Variants in DDR2 observed in about 807,000 individuals in gnomAD.
DDR2 encodes discoidin domain receptor tyrosine kinase 2, also known as discoidin domain-containing receptor 2.
In DDR2, 27 loss-of-function variants were observed where a neutral mutation model predicts 94.9. The ratio of observed to expected loss-of-function variants is 0.28; its 90% CI spans 0.21 to 0.39. The LOEUF (loss-of-function observed/expected upper bound fraction) is 0.39. Among genes scored for constraint, DDR2 ranks in the 10% least tolerant of loss-of-function variants. DDR2 has a pLI of 1.00. For synonymous variants in DDR2, 382 were observed against 377.2 expected, an observed-to-expected ratio of 1.01 and a Z score of -0.15; for missense variants, 783 against 1,076.0, an observed-to-expected ratio of 0.73 and a Z score of 3.81.
chr1:162,670,836 G>C (rs1332034998), intron 2 of DDR2, among the ~76,000 whole-genome samples: 1 of 152,154 alleles, frequency 6.6e-6, no homozygotes, highest in Non-Finnish European at 1.5e-5. Context: ...AGAAGAAAGT[G>C]GTTATGTTAG....
At position 162,753,372 on chromosome 1, in the gene DDR2, T is replaced by C. The variant is rs881127; in HGVS notation, c.185+175T>C. On this transcript the variant is annotated intron_variant, in intron 4 of 17. Coordinates refer to ENST00000367921, the MANE Select transcript of DDR2 (RefSeq NM_006182.4). ...TCTGTATGTTTTCAGGGAGAGAATT[T>C]AGGACTTAGCCACATGTACTGGTCT... 0.15 allele frequency among the ~76,000 whole-genome samples: 22,426 copies of C among 152,126 alleles called. 2,265 individuals are homozygous for C. The highest frequency in any genetic ancestry group is 0.25 in the African/African-American group (10,443 of 41,478).
intron 3 of DDR2, among the ~76,000 whole-genome samples, chr1:162,721,524 G>A (rs775047549): frequency 3.3e-5 from 5 of 152,224 alleles, no homozygotes; most frequent in Non-Finnish European, 7.3e-5. Context: ...CAGTGATAAA[G>A]AGTCTATCAT....
chr1:162,670,377 A>G lies in DDR2; in HGVS notation c.-28+15003A>G, dbSNP rs997527083. ...TGCCTTGGCCTCCCAAGGTACTGGG[A>G]TTACAGGCGTGAGCCATTGTGCCTG... On this transcript the variant is annotated intron_variant, in intron 2 of 17. Coordinates refer to ENST00000367921, the MANE Select transcript of DDR2 (RefSeq NM_006182.4). Among the ~76,000 whole-genome samples, 3 of 152,196 alleles carry G rather than the reference A, an allele frequency of 2.0e-5. 1 individual carries two copies. In the South Asian group the frequency reaches 6.2e-4, roughly 32 times the overall value.
rs1407056218 is a variant in DDR2, at chr1:162,692,521, T to A, written c.-27-26516T>A. 2.0e-5 allele frequency among the ~76,000 whole-genome samples: 3 copies of A among 152,140 alleles called. No individual in the cohort carries two copies. The East Asian group carries it at 5.8e-4, about 29-fold the overall frequency. On this transcript the variant is annotated intron_variant, in intron 2 of 17. Transcript: ENST00000367921. ...GACCAGAACAGGAACTTCACAAGAATGGATATCCAAATGACATGAAAAGAA... is the reference window on the plus strand; with the variant it reads ...GACCAGAACAGGAACTTCACAAGAAAGGATATCCAAATGACATGAAAAGAA...
At chr1:162,745,237 C>G (rs1662792887) in intron 3 of DDR2, among the ~76,000 whole-genome samples, 2 of 152,132 alleles carry the variant, frequency 1.3e-5, no homozygotes, top group Admixed American at 6.5e-5. Flanking sequence ...GGATATTAAC[C>G]TTCAAATATA....
chr1:162,714,952 G>A (rs1306548007), intron 2 of DDR2, among the ~76,000 whole-genome samples: 1 of 152,198 alleles, frequency 6.6e-6, no homozygotes, highest in African/African-American at 2.4e-5. Context: ...AAATAAGTGG[G>A]TAGAGAAGGG....
intron 3 of DDR2, among the ~76,000 whole-genome samples, chr1:162,728,891 T>A (rs1019246484): frequency 6.6e-6 from 1 of 152,040 alleles, no homozygotes; most frequent in South Asian, 2.1e-4. Flanking sequence ...TGACTTTAGG[T>A]AAATCTCTGC....
rs1181764143 is a variant in DDR2 at position 162,741,190 on chromosome 1, A to AAT, written c.83-11904_83-11903insTA. Among the ~76,000 whole-genome samples, 312 of 130,936 alleles carry AAT rather than the reference A, an allele frequency of 2.4e-3. 3 individuals carry two copies. The highest frequency in any genetic ancestry group is 8.3e-3 in the African/African-American group (298 of 35,968). 85.9% of individuals were successfully genotyped at this position (130,936 alleles called of 152,430 possible). On this transcript the variant is annotated intron_variant, in intron 3 of 17. Transcript: ENST00000367921. ...AATATAATATAATATAATATAACAT[A>AAT]ACATAATACAATACAATACAATATA...
chr1:162,650,038 C>T (rs10799854), intron 1 of DDR2, among the ~76,000 whole-genome samples: 132,723 of 152,182 alleles, frequency 0.87, 58,490 homozygotes, highest in Non-Finnish European at 0.93. Flanking sequence ...TCACCCACCC[C>T]ATGCAGATGA....
intron 2 of DDR2, among the ~76,000 whole-genome samples, chr1:162,702,034 G>T (rs918458449): frequency 6.6e-6 from 1 of 152,102 alleles, no homozygotes; most frequent in Non-Finnish European, 1.5e-5. Context: ...TTGCATCCTG[G>T]AGATACAGCT....
intron 2 of DDR2, among the ~76,000 whole-genome samples, chr1:162,717,048 G>GTGTTCTTTTTTT (rs1661199058): frequency 4.8e-5 from 7 of 144,928 alleles, no homozygotes; most frequent in African/African-American, 1.8e-4. Flanking sequence ...TTCTAGAACA[G>GTGTTCTTTTTTT]TTTTTTTTTT....
chr1:162,755,688 C>T lies in DDR2; in HGVS notation c.590C>T (p.Pro197Leu), dbSNP rs2102138301. The T allele has an allele frequency of 6.2e-7, 1 of 1,614,172 alleles. No individual in the cohort carries two copies. Among genetic ancestry groups the T allele is most frequent in the Non-Finnish European group, 8.5e-7 (1 of 1,180,008 alleles). The change falls in exon 7 of 18, where the codon CCA (proline) becomes CTA (leucine). Residue 197 changes from proline to leucine, a missense_variant. Around this residue, in one of 2 missense-constraint regions of DDR2, gnomAD observed 519 missense variants for 647.9 expected, o/e 0.80. Transcript: ENST00000367921. ...WLDGLVSYNA[P>L]AGQQFVLPGG... ...GATGGCTTGGTGTCTTACAATGCTC[C>T]AGCTGGGCAGCAGTTTGTACTCCCT...
chr1:162,774,110 T>C (rs1647390738), intron 14 of DDR2, among the ~76,000 whole-genome samples: 1 of 151,306 alleles, frequency 6.6e-6, no homozygotes, highest in South Asian at 2.1e-4. Flanking sequence ...AAATTATCTA[T>C]GAACCTCAAA....
At chr1:162,719,182 C>T (rs1488989278) in intron 3 of DDR2, 37 bp downstream of exon 3, 1 of 1,613,094 alleles carries the variant, frequency 6.2e-7, no homozygotes, top group East Asian at 2.2e-5. Context: ...GCTAGAAGAC[C>T]AGCAGAATGT....
chr1:162,686,079 G>A (rs940889998), intron 2 of DDR2, among the ~76,000 whole-genome samples: 2 of 152,154 alleles, frequency 1.3e-5, no homozygotes, highest in African/African-American at 4.8e-5. Context: ...TATCATTCTT[G>A]CAGTGGCTTG....
chr1:162,704,276 A>G (rs180848283), intron 2 of DDR2, among the ~76,000 whole-genome samples: 2 of 151,860 alleles, frequency 1.3e-5, no homozygotes. Context: ...TTCCCCAATC[A>G]CCAGAAAATG....
intron 2 of DDR2, among the ~76,000 whole-genome samples, chr1:162,714,373 C>T (rs1191604472): frequency 1.3e-5 from 2 of 152,182 alleles, no homozygotes; most frequent in East Asian, 3.9e-4. Context: ...GCAAATTTTT[C>T]TAGATTTTCC....
chr1:162,729,116 G>A (rs1661867979), intron 3 of DDR2, among the ~76,000 whole-genome samples: 1 of 150,590 alleles, frequency 6.6e-6, no homozygotes. Context: ...TGATGCAGGA[G>A]GAAGAAAGAG....
chr1:162,722,507 T>G (rs779940770), intron 3 of DDR2, among the ~76,000 whole-genome samples: 1 of 152,206 alleles, frequency 6.6e-6, no homozygotes, highest in Non-Finnish European at 1.5e-5. Flanking sequence ...TATGTCAAAA[T>G]CATGGCTCAG....
Sources: gnomAD v4.1 joint callset for allele counts (sites outside exome capture counted in the v4.1 genomes callset) on GRCh38, gnomAD v4.1.1 for gene constraint, gnomAD v4.1.1 regional missense constraint, MANE v1.5 for transcripts, NCBI Gene and HGNC (gene_info 2026-07-23, HGNC 2026-07-21) for gene names.